MMP16: variants seen among roughly 807,000 people sequenced by gnomAD.
The protein encoded by MMP16 is matrix metallopeptidase 16.
MMP16 carries 12 observed loss-of-function variants against 67.8 expected under a neutral mutation model. The observed-to-expected ratio is 0.18, with a 90% CI of 0.11 to 0.29. The LOEUF is 0.29. MMP16 is among the 10% of genes least tolerant of loss of function. The pLI, the probability that MMP16 is intolerant of heterozygous loss-of-function variation, is 1.00. For synonymous variants in MMP16, 249 were observed against 255.9 expected, an observed-to-expected ratio of 0.97 and a Z score of 0.26; for missense variants, 475 against 765.7, an observed-to-expected ratio of 0.62 and a Z score of 4.48.
chr8:88,110,156 T>C (rs1054974139), intron 6 of MMP16, among the ~76,000 whole-genome samples: 1 of 151,270 alleles, frequency 6.6e-6, no homozygotes, highest in African/African-American at 2.4e-5. Flanking sequence ...TCCAAATATA[T>C]GCTCAAAATA....
At chr8:88,262,846 CAAAAAAAAAAAAAAAAAA>C (rs71277991) in intron 1 of MMP16, among the ~76,000 whole-genome samples, 2 of 53,470 alleles carry the variant, frequency 3.7e-5, no homozygotes, top group East Asian at 1.9e-3. Context: ...ACTAAAAATA[CAAAAAAAAAAAAAAAAAA>C]AAAAAAAAAA....
Position 88,217,594 on chromosome 8 carries a change from A to T in MMP16, c.133-20288T>A, listed in dbSNP as rs549368230. Among the ~76,000 whole-genome samples, 140 of 152,086 alleles carry T rather than the reference A, an allele frequency of 9.2e-4. 1 individual carries two copies. The highest frequency in any genetic ancestry group is 1.7e-3 in the Non-Finnish European group (114 of 67,896). On this transcript the variant is annotated intron_variant, in intron 1 of 9. Coordinates refer to ENST00000286614, the MANE Select transcript of MMP16 (RefSeq NM_005941.5). ...CTTAAACCTACTCAGTTATATGATC[A>T]ATCCTTTATATTACCAATCTCTTAT...
intron 1 of MMP16, among the ~76,000 whole-genome samples, chr8:88,263,633 C>G (rs1810424829): frequency 6.6e-6 from 1 of 152,094 alleles, no homozygotes; most frequent in Admixed American, 6.5e-5. Context: ...GCTATCTACT[C>G]CTTATGTCTT....
chr8:88,142,601 A>T (rs1808230795), intron 4 of MMP16, among the ~76,000 whole-genome samples: 1 of 152,166 alleles, frequency 6.6e-6, no homozygotes, highest in African/African-American at 2.4e-5. Flanking sequence ...AAATATTATA[A>T]ACCATATTAC....
intron 1 of MMP16, among the ~76,000 whole-genome samples, chr8:88,279,908 C>T (rs1006738008): frequency 6.6e-5 from 10 of 152,024 alleles, no homozygotes; most frequent in Admixed American, 5.9e-4. Flanking sequence ...TGGACTGACA[C>T]GTTTTAAAAA....
intron 7 of MMP16, among the ~76,000 whole-genome samples, chr8:88,068,188 C>T (rs575683829): frequency 5.3e-4 from 81 of 152,164 alleles, no homozygotes; most frequent in African/African-American, 1.8e-3. Context: ...TTTTCATGAG[C>T]TCATTTGACA....
In MMP16 at chr8:88,235,408, A is replaced by G. The variant is rs58512537; in HGVS notation, c.133-38102T>C. 3.6e-3 allele frequency among the ~76,000 whole-genome samples: 518 copies of G among 144,648 alleles called. 4 individuals carry two copies. The highest frequency in any genetic ancestry group is 0.012 in the African/African-American group (495 of 40,226). The allele number at this position is 144,648 out of a possible 152,430, so 94.9% of individuals were successfully genotyped here. On this transcript the variant is annotated intron_variant, in intron 1 of 9. Coordinates refer to ENST00000286614, the MANE Select transcript of MMP16 (RefSeq NM_005941.5). Reference sequence around the variant, plus strand: ...TCCATCTCAAAAAAAAAAAAAAAAAATCAAACTAGGAGAAAACATGGTATT... The same window carrying G: ...TCCATCTCAAAAAAAAAAAAAAAAAGTCAAACTAGGAGAAAACATGGTATT...
chr8:88,155,019 T>C (rs1808484909), intron 4 of MMP16, among the ~76,000 whole-genome samples: 1 of 152,226 alleles, frequency 6.6e-6, no homozygotes, highest in African/African-American at 2.4e-5. Flanking sequence ...CTATCAAATA[T>C]CTGATAATAG....
At chr8:88,209,950 C>A (rs532408648) in intron 1 of MMP16, among the ~76,000 whole-genome samples, 5 of 152,110 alleles carry the variant, frequency 3.3e-5, no homozygotes, top group African/African-American at 9.6e-5. Context: ...GGAGGTAGGG[C>A]CTTTGGGAGG....
At chr8:88,313,855 T>A (rs867456755) in intron 1 of MMP16, among the ~76,000 whole-genome samples, 1 of 152,046 alleles carries the variant, frequency 6.6e-6, no homozygotes, top group African/African-American at 2.4e-5. Context: ...AAGAGAGAGC[T>A]TGTGCAGAGA....
intron 1 of MMP16, among the ~76,000 whole-genome samples, chr8:88,240,244 C>T (rs1313237923): frequency 6.6e-6 from 1 of 152,130 alleles, no homozygotes; most frequent in African/African-American, 2.4e-5. Context: ...TCAATGGGCT[C>T]GGCCATGGTA....
At chr8:88,184,610 G>T (rs1809038695) in intron 3 of MMP16, among the ~76,000 whole-genome samples, 1 of 134,916 alleles carries the variant, frequency 7.4e-6, no homozygotes, top group Non-Finnish European at 1.5e-5. Context: ...AGCTGGGCAT[G>T]GTCGTGCACA....
At chr8:88,157,391 T>A (rs1171591623) in intron 4 of MMP16, among the ~76,000 whole-genome samples, 5 of 151,870 alleles carry the variant, frequency 3.3e-5, no homozygotes, top group Admixed American at 3.3e-4. Context: ...TATAAGGGAC[T>A]TGAGCATCTG....
chr8:88,068,205 T>G (rs1369233187), intron 7 of MMP16, among the ~76,000 whole-genome samples: 1 of 152,148 alleles, frequency 6.6e-6, no homozygotes, highest in Admixed American at 6.6e-5. Context: ...GACATCCATC[T>G]ATGATTCTTG....
chr8:88,169,188 A>T (rs1395184498), intron 3 of MMP16, among the ~76,000 whole-genome samples: 2 of 152,164 alleles, frequency 1.3e-5, no homozygotes, highest in African/African-American at 4.8e-5. Context: ...TTGCCCTTTT[A>T]AGACTTTTTA....
intron 1 of MMP16, among the ~76,000 whole-genome samples, chr8:88,199,065 T>G (rs1350262409): frequency 5.3e-5 from 8 of 152,110 alleles, no homozygotes; most frequent in Non-Finnish European, 1.2e-4. Flanking sequence ...ATTCTTAAAC[T>G]GAATGCTTTT....
chr8:88,294,482 G>T lies in MMP16; in HGVS notation c.132+32593C>A, dbSNP rs540339734. ...CATGTCTCTGTACACACATATGTAT[G>T]TCTCTATACACACATATGTATATGT... On this transcript the variant is annotated intron_variant, in intron 1 of 9. Transcript: ENST00000286614. Among the ~76,000 whole-genome samples the T allele has an allele frequency of 8.4e-4, 125 of 149,242 alleles. 4 individuals are homozygous for T. In the South Asian group the frequency reaches 0.026, roughly 31 times the overall value.
chr8:88,285,968 T>C (rs1385131468), intron 1 of MMP16, among the ~76,000 whole-genome samples: 1 of 152,160 alleles, frequency 6.6e-6, no homozygotes, highest in East Asian at 1.9e-4. Context: ...TATCCCATGG[T>C]ACTTTCTCAC....
At chr8:88,185,240 C>A (rs1297988306) in intron 3 of MMP16, among the ~76,000 whole-genome samples, 1 of 152,122 alleles carries the variant, frequency 6.6e-6, no homozygotes, top group Non-Finnish European at 1.5e-5. Context: ...GGGCAGATCA[C>A]TTGAGGTCAG....
Sources: allele counts gnomAD v4.1 joint callset (sites outside exome capture counted in the v4.1 genomes callset), GRCh38; gene constraint gnomAD v4.1.1; transcripts MANE v1.5; gene names NCBI Gene and HGNC (gene_info 2026-07-23, HGNC 2026-07-21).